ZNF670: variants seen among roughly 807,000 people sequenced by gnomAD.
ZNF670 encodes zinc finger protein 670.
ZNF670 carries 7 observed loss-of-function variants against 10.9 expected under a neutral mutation model. That is an observed-to-expected ratio of 0.64 (90% CI 0.36 to 1.20). The LOEUF (loss-of-function observed/expected upper bound fraction) is 1.20. Ranked by LOEUF, ZNF670 falls within the 50% of genes most tolerant of loss-of-function variation. ZNF670 has a pLI of 0.02. For synonymous variants in ZNF670, 136 were observed against 152.7 expected, an observed-to-expected ratio of 0.89 and a Z score of 0.81; for missense variants, 446 against 458.6, an observed-to-expected ratio of 0.97 and a Z score of 0.25.
intron 1 of ZNF670, among the ~76,000 whole-genome samples, chr1:247,052,626 AGC>A (rs1558340956): frequency 2.0e-5 from 3 of 152,130 alleles, no homozygotes; most frequent in Non-Finnish European, 4.4e-5. Flanking sequence ...ATCTCTGGTT[AGC>A]CAGGATGTTA....
rs565906860 is a variant in ZNF670, at chr1:247,045,427, T to C, written c.4-5890A>G. Among the ~76,000 whole-genome samples the C allele has an allele frequency of 4.3e-4, 66 of 152,206 alleles. No homozygotes were observed. The South Asian group carries it at 0.013, about 31-fold the overall frequency. On this transcript the variant is annotated intron_variant, in intron 1 of 3. Coordinates refer to ENST00000366503, the MANE Select transcript of ZNF670 (RefSeq NM_033213.5). ...CTTGAAGTAATGAGTTCTCTGTTGGTTCACAGGAGAGCCGGGTATTTAAGA... is the reference window on the plus strand; with the variant it reads ...CTTGAAGTAATGAGTTCTCTGTTGGCTCACAGGAGAGCCGGGTATTTAAGA...
In ZNF670 at chr1:247,037,637, C is replaced by G; in HGVS notation, c.982G>C (p.Glu328Gln). 6.2e-7 allele frequency: 1 copy of G among 1,614,096 alleles called. No individual in the cohort carries two copies. The highest frequency in any genetic ancestry group is 1.1e-5 in the South Asian group (1 of 91,074). The stretch of plus-strand genomic sequence containing the variant: ...GGTTTCACTCCAGTGTGAGTTCTTT[C>G]ATGCTCACATAGGTTACTAGAATAT... ...FKYSSNLCEHERTHTGVKPYG... is the reference protein window; with the variant it reads ...FKYSSNLCEHQRTHTGVKPYG... The change falls in exon 4 of 4, where the codon GAA becomes CAA. Residue 328 changes from glutamate (E) to glutamine (Q), a missense_variant. Glu to Gln is a conservative substitution (Grantham distance 29, BLOSUM62 2). Transcript: ENST00000366503.
chr1:247,047,609 A>G (rs1670482068), intron 1 of ZNF670, among the ~76,000 whole-genome samples: 1 of 152,108 alleles, frequency 6.6e-6, no homozygotes, highest in Non-Finnish European at 1.5e-5. Context: ...ACACTGCCTT[A>G]GCATAGGTTC....
intron 1 of ZNF670, among the ~76,000 whole-genome samples, chr1:247,072,952 T>C (rs1671173123): frequency 6.7e-6 from 1 of 150,030 alleles, no homozygotes; most frequent in Non-Finnish European, 1.5e-5. Flanking sequence ...TATGCAGCCA[T>C]AAAAAAAGAG....
chr1:247,047,368 G>A (rs112447724), intron 1 of ZNF670, among the ~76,000 whole-genome samples: 5,645 of 149,212 alleles, frequency 0.038, 136 homozygotes, highest in Middle Eastern at 0.057. Context: ...AATTGTGGCA[G>A]AGGTTCCCAA....
intron 1 of ZNF670, among the ~76,000 whole-genome samples, chr1:247,055,348 C>T (rs1159318887): frequency 6.6e-6 from 1 of 152,146 alleles, no homozygotes; most frequent in Admixed American, 6.6e-5. Flanking sequence ...CCAGGACAAG[C>T]TCTCACTTCA....
In ZNF670 at chr1:247,037,340, C is replaced by G; in HGVS notation, c.*109G>C. ...AATCTTCCTTACATGTGTTGGGTTT[C>G]TCTCTAATTTGAGTTTTTAATTTTT... is the stretch of plus-strand genomic sequence containing the variant. On this transcript the variant is annotated 3_prime_UTR_variant, in exon 4 of 4. Coordinates refer to ENST00000366503, the MANE Select transcript of ZNF670 (RefSeq NM_033213.5). 4 of 1,331,640 alleles carry G rather than the reference C, an allele frequency of 3.0e-6. No individual in the cohort carries two copies. Among genetic ancestry groups the G allele is most frequent in the Non-Finnish European group, 4.0e-6 (4 of 995,662 alleles). The allele number at this position is 1,331,640 out of a possible 1,614,324, so 82.5% of individuals were successfully genotyped here. A position where few individuals can be genotyped will look rare whatever the true frequency, so the allele number is the denominator to read the frequency against.
chr1:247,038,305 C>A lies in ZNF670; in HGVS notation c.314G>T (p.Cys105Phe). The A allele has an allele frequency of 6.2e-7, 1 of 1,614,198 alleles. No individual in the cohort carries two copies. Among genetic ancestry groups the A allele is most frequent in the Non-Finnish European group, 8.5e-7 (1 of 1,180,018 alleles). The change falls in exon 4 of 4, where the codon TGC (cysteine) becomes TTC (phenylalanine). Residue 105 changes from cysteine to phenylalanine, a missense_variant. Transcript: ENST00000366503. Reference sequence around the variant, plus strand: ...TATGAAGACTTTTCCACACACACTGCATTCACATGGCTTTACTCCAGTAGA... The same window carrying A: ...TATGAAGACTTTTCCACACACACTGAATTCACATGGCTTTACTCCAGTAGA... ...KVSTGVKPCE[C>F]SVCGKVFICH...
chr1:247,057,858 G>A (rs1235158433), intron 1 of ZNF670, among the ~76,000 whole-genome samples: 2 of 152,142 alleles, frequency 1.3e-5, no homozygotes, highest in Non-Finnish European at 2.9e-5. Flanking sequence ...AGGAGGTGGA[G>A]GGGATGTGGG....
At chr1:247,074,849 A>G (rs989275630) in intron 1 of ZNF670, among the ~76,000 whole-genome samples, 1 of 152,214 alleles carries the variant, frequency 6.6e-6, no homozygotes. Context: ...GGCCACCGAC[A>G]GGTACTGCTC....
At chr1:247,043,897 T>C (rs956310535) in intron 1 of ZNF670, 6 of 312,816 alleles carry the variant, frequency 1.9e-5, no homozygotes, top group Non-Finnish European at 3.1e-5. Context: ...GAATCTGATA[T>C]TAAACATAGA....
intron 1 of ZNF670, among the ~76,000 whole-genome samples, chr1:247,070,336 T>A (rs1671085652): frequency 6.6e-6 from 1 of 151,956 alleles, no homozygotes; most frequent in Non-Finnish European, 1.5e-5. Context: ...CCAGGCGTGG[T>A]GGCAGGCGCC....
intron 1 of ZNF670, among the ~76,000 whole-genome samples, chr1:247,075,877 G>C (rs1671239546): frequency 1.3e-5 from 2 of 152,138 alleles, no homozygotes; most frequent in Admixed American, 1.3e-4. Context: ...GAACAGACTT[G>C]AGAAACTTAC....
intron 1 of ZNF670, among the ~76,000 whole-genome samples, chr1:247,074,481 AC>A (rs1174928654): frequency 6.6e-6 from 1 of 151,994 alleles, no homozygotes; most frequent in Non-Finnish European, 1.5e-5. Context: ...CCACTGTTAT[AC>A]CCAGTGTTTT....
rs74163726 is a variant in ZNF670, at chr1:247,072,804, GTATATATATATA to G, written c.3+5778_3+5789del. 5.5e-4 allele frequency among the ~76,000 whole-genome samples: 26 copies of G among 47,654 alleles called. 2 individuals carry two copies. The East Asian group carries it at 6.1e-3, about 11-fold the overall frequency. The allele number at this position is 47,654 out of a possible 152,430, so 31.3% of individuals were successfully genotyped here. A position where few individuals can be genotyped will look rare whatever the true frequency, so the allele number is the denominator to read the frequency against. The stretch of plus-strand genomic sequence containing the variant: ...CTCTGTCTCAAAAAAAAAAGTGTGT[GTATATATATATA>G]TATATATATATATATATATATATGC... On this transcript the variant is annotated intron_variant, in intron 1 of 3. Coordinates refer to ENST00000366503, the MANE Select transcript of ZNF670 (RefSeq NM_033213.5).
intron 1 of ZNF670, among the ~76,000 whole-genome samples, chr1:247,074,765 CAGG>C (rs887325135): frequency 3.3e-5 from 5 of 152,066 alleles, no homozygotes; most frequent in African/African-American, 7.2e-5. Flanking sequence ...ACTGATCTGA[CAGG>C]AGAAGGAGCT....
chr1:247,052,716 G>A (rs920923819), intron 1 of ZNF670, among the ~76,000 whole-genome samples: 7 of 152,150 alleles, frequency 4.6e-5, no homozygotes, highest in South Asian at 2.1e-4. Context: ...AATGGCTTGC[G>A]TTGGTTGGCC....
intron 1 of ZNF670, among the ~76,000 whole-genome samples, chr1:247,052,880 C>T (rs1670631117): frequency 6.6e-6 from 1 of 152,172 alleles, no homozygotes; most frequent in Non-Finnish European, 1.5e-5. Flanking sequence ...TTGTCTTTGG[C>T]TACCAAGGTG....
At position 247,036,280 on chromosome 1, in the gene ZNF670, C is replaced by G. The variant is rs1040326133; in HGVS notation, c.*1169G>C. On this transcript the variant is annotated 3_prime_UTR_variant, in exon 4 of 4. Transcript: ENST00000366503. The stretch of plus-strand genomic sequence containing the variant: ...ATATTTATGAAAAATCCACAATATA[C>G]TTGATGGTGAGACTGAATGCTTTCA... Among the ~76,000 whole-genome samples, 1 of 152,170 alleles carries G rather than the reference C, an allele frequency of 6.6e-6. No homozygotes were observed. Among genetic ancestry groups the G allele is most frequent in the South Asian group, 2.1e-4 (1 of 4,836 alleles).
Sources: allele counts gnomAD v4.1 joint callset (sites outside exome capture counted in the v4.1 genomes callset), GRCh38; gene constraint gnomAD v4.1.1; transcripts MANE v1.5; gene names NCBI Gene and HGNC (gene_info 2026-07-23, HGNC 2026-07-21).